OTC: variants seen among roughly 807,000 people sequenced by gnomAD.
The protein encoded by OTC is ornithine transcarbamylase, mitochondrial.
In OTC, 3 loss-of-function variants were observed where a neutral mutation model predicts 30.3. The ratio of observed to expected loss-of-function variants is 0.10; its 90% CI spans 0.05 to 0.26. OTC has a LOEUF of 0.26. Among genes scored for constraint, OTC ranks in the 10% least tolerant of loss-of-function variants. The pLI, the probability that OTC is intolerant of heterozygous loss-of-function variation, is 1.00. For synonymous variants in OTC, 111 were observed against 99.7 expected (o/e 1.11, Z -0.67); for missense variants, 194 against 260.3 (o/e 0.75, Z 1.75).
Position 38,421,083 on chromosome X carries a change from T to C in OTC, c.*1T>C. ...TCAGCTCCAGAAGCCTAAATTTTGA[T>C]GTTGTGTTACTTGTCAAGAAAGAAG... On this transcript the variant is annotated 3_prime_UTR_variant, in exon 10 of 10. Coordinates refer to ENST00000039007, the MANE Select transcript of OTC (RefSeq NM_000531.6). The C allele has an allele frequency of 1.7e-6, 2 of 1,177,297 alleles. No homozygotes were observed.
intron 4 of OTC, 122 bp downstream of exon 4, chrX:38,381,551 C>T (rs2068377248): frequency 3.7e-6 from 2 of 534,520 alleles, no homozygotes; most frequent in African/African-American, 2.3e-5. Context: ...CTCCATTTTC[C>T]CTCTTTCCCT....
chrX:38,341,806 A>C, the OTC span, among the ~76,000 whole-genome samples: 1 of 110,928 alleles, frequency 9.0e-6, no homozygotes, highest in Non-Finnish European at 1.9e-5. Context: ...GAGGGAGAAC[A>C]AAGTTCCTGG....
At chrX:38,422,331 A>C (rs954580608), downstream of OTC, among the ~76,000 whole-genome samples, 2 of 112,111 alleles carry the variant, frequency 1.8e-5, no homozygotes. Context: ...TTTTCCAGTA[A>C]ATGTCAAAGG....
At chrX:38,389,860 A>T (rs957810109) in intron 4 of OTC, among the ~76,000 whole-genome samples, 1 of 111,490 alleles carries the variant, frequency 9.0e-6, no homozygotes, top group Non-Finnish European at 1.9e-5. Flanking sequence ...TTAATGCATT[A>T]TATGAGGGTA....
At chrX:38,371,691 A>C (rs1248233506) in intron 3 of OTC, among the ~76,000 whole-genome samples, 3 of 111,793 alleles carry the variant, frequency 2.7e-5, no homozygotes, top group Non-Finnish European at 5.6e-5. Flanking sequence ...TATTCTTACT[A>C]ATGCACACTC....
chrX:38,390,225 A>G (rs2068423379), intron 4 of OTC, among the ~76,000 whole-genome samples: 1 of 112,172 alleles, frequency 8.9e-6, no homozygotes, highest in Non-Finnish European at 1.9e-5. Flanking sequence ...ACAAGAACCC[A>G]TCTAGGTTTG....
intron 1 of OTC, 114 bp from the exon 2 acceptor site, chrX:38,367,174 CAAA>C (rs755821521): frequency 1.2e-3 from 577 of 492,256 alleles, no homozygotes; most frequent in Non-Finnish European, 1.3e-3. Context: ...GAACCTGTCT[CAAA>C]AAAAAAAAAA....
chrX:38,384,164 G>A (rs2068390421), intron 4 of OTC, among the ~76,000 whole-genome samples: 1 of 111,699 alleles, frequency 9.0e-6, no homozygotes, highest in African/African-American at 3.3e-5. Context: ...ATATAAGCTC[G>A]GTGGTAAAAA....
intron 3 of OTC, among the ~76,000 whole-genome samples, chrX:38,376,256 G>A (rs1274537967): frequency 8.9e-6 from 1 of 111,765 alleles, no homozygotes; most frequent in African/African-American, 3.3e-5. Context: ...ACAATTAAAG[G>A]AATACTTGTC....
intron 4 of OTC, among the ~76,000 whole-genome samples, chrX:38,386,157 G>A (rs1413221171): frequency 1.8e-5 from 2 of 108,277 alleles, no homozygotes; most frequent in East Asian, 2.9e-4. Context: ...GGCAGATCGC[G>A]AGGTCAGGAG....
At chrX:38,368,869 G>T (rs760394759) in intron 2 of OTC, among the ~76,000 whole-genome samples, 2 of 106,985 alleles carry the variant, frequency 1.9e-5, no homozygotes, top group Non-Finnish European at 3.8e-5. Flanking sequence ...GATGAGGGAG[G>T]TTAGCTGGCA....
chrX:38,413,572 C>A (rs1261870134), intron 9 of OTC, among the ~76,000 whole-genome samples: 2 of 111,449 alleles, frequency 1.8e-5, no homozygotes, highest in Non-Finnish European at 3.8e-5. Flanking sequence ...ACTTCTGAAG[C>A]CTTAATGTGC....
At chrX:38,415,334 C>G (rs2068565389) in intron 9 of OTC, among the ~76,000 whole-genome samples, 1 of 109,162 alleles carries the variant, frequency 9.2e-6, no homozygotes, top group South Asian at 4.1e-4. Context: ...CTGCCTCGGC[C>G]TCCCAAAGTG....
chrX:38,353,755 C>T (rs2068228506), intron 1 of OTC, among the ~76,000 whole-genome samples: 2 of 111,409 alleles, frequency 1.8e-5, no homozygotes, highest in Non-Finnish European at 3.8e-5. Context: ...GTAAATTAAG[C>T]CCATAATATT....
At chrX:38,341,386 T>C in the OTC span, among the ~76,000 whole-genome samples, 1 of 112,038 alleles carries the variant, frequency 8.9e-6, no homozygotes, top group African/African-American at 3.2e-5. Flanking sequence ...TATTAGACAC[T>C]GAAGATGATG....
At chrX:38,340,473 G>GTTTTTTTTTTTTTTT in the OTC span, among the ~76,000 whole-genome samples, 170 of 56,019 alleles carry the variant, frequency 3.0e-3, 1 homozygote, top group East Asian at 6.2e-3. Context: ...TTTTTTTTTT[G>GTTTTTTTTTTTTTTT]TTTTTTTTTT....
chrX:38,402,693 C>T (rs2068495599), intron 5 of OTC, among the ~76,000 whole-genome samples: 1 of 111,599 alleles, frequency 9.0e-6, no homozygotes, highest in Non-Finnish European at 1.9e-5. Context: ...GAGTTGAAGC[C>T]CACCATGTAA....
At chrX:38,337,401 T>G in the OTC span, among the ~76,000 whole-genome samples, 2 of 112,308 alleles carry the variant, frequency 1.8e-5, no homozygotes, top group African/African-American at 6.5e-5. Flanking sequence ...ACAACAAATA[T>G]TCTCACTCTC....
rs748045774 is a variant in OTC at position 38,364,132 on chromosome X, T to A, written c.78-3159T>A. 3.7e-3 allele frequency among the ~76,000 whole-genome samples: 415 copies of A among 111,268 alleles called. 3 individuals carry two copies. Among genetic ancestry groups the A allele is most frequent in the African/African-American group, 0.013 (386 of 30,736 alleles). ...CAGAGTGAAACTCCATCTGAAAAAA[T>A]AAATAAATAAATAAATATAATAAAA... is the stretch of plus-strand genomic sequence containing the variant. On this transcript the variant is annotated intron_variant, in intron 1 of 9. Coordinates refer to ENST00000039007, the MANE Select transcript of OTC (RefSeq NM_000531.6).
Sources: allele counts gnomAD v4.1 joint callset (sites outside exome capture counted in the v4.1 genomes callset), GRCh38; gene constraint gnomAD v4.1.1; transcripts MANE v1.5; gene names NCBI Gene and HGNC (gene_info 2026-07-23, HGNC 2026-07-21).